Variants in PLEC observed in about 807,000 individuals in gnomAD.
The protein encoded by PLEC is hemidesmosomal protein 1.
A neutral mutation model predicts 392.8 loss-of-function variants in PLEC; 216 were observed. That is an observed-to-expected ratio of 0.55 (90% CI 0.49 to 0.62). PLEC has a LOEUF of 0.62. Ranked by LOEUF, PLEC falls within the 20% of genes least tolerant of loss-of-function variation. PLEC has a pLI of 0.00. For synonymous variants in PLEC, 3,621 were observed against 2,980.6 expected (o/e 1.21, Z -7.00); for missense variants, 6,863 against 6,563.4 (o/e 1.05, Z -1.58).
At chr8:143,940,438 C>T (rs571319736), upstream of PLEC, among the ~76,000 whole-genome samples, 8 of 152,326 alleles carry the variant, frequency 5.3e-5, no homozygotes, top group Admixed American at 1.3e-4. Flanking sequence ...AGGACCTGGG[C>T]GACCCCAGGG....
At chr8:143,940,481 C>G (rs115927903), upstream of PLEC, among the ~76,000 whole-genome samples, 7,111 of 152,248 alleles carry the variant, frequency 0.047, 592 homozygotes, top group African/African-American at 0.16. Context: ...GGGTGGGGCT[C>G]AAGGGAAGCA....
chr8:143,972,494 C>T (rs11785060), intron 1 of PLEC, among the ~76,000 whole-genome samples: 45,170 of 152,148 alleles, frequency 0.3, 7,135 homozygotes, highest in Non-Finnish European at 0.35. Context: ...TGGTGGAGAG[C>T]GGCACCACGG....
chr8:143,937,593 T>G (rs1829396528), intron 3 of PLEC: 2 of 498,892 alleles, frequency 4.0e-6, no homozygotes, highest in Admixed American at 4.8e-5. Context: ...AGGCCAGCTC[T>G]GGGCAGCACG....
At position 143,950,625 on chromosome 8, in the gene PLEC, T is replaced by G. The variant is rs577947079; in HGVS notation, c.82A>C (p.Lys28Gln). ...AAGCTGCGGGGCCGCCGGTCCTTCT[T>G]GGCCACCATCACGCCCTCGCGGAAG... Residue 28 changes from lysine to glutamine, a missense_variant, in exon 1 of 32, where the codon AAG becomes CAG. Physicochemically the swap from Lys to Gln is moderately conservative, Grantham distance 53. Coordinates refer to the PLEC transcript ENST00000322810. The G allele has an allele frequency of 2.3e-4, 367 of 1,602,060 alleles. No individual in the cohort carries two copies. Among genetic ancestry groups the G allele is most frequent in the Admixed American group, 4.3e-4 (25 of 58,158 alleles).
chr8:143,929,461 C>T lies in PLEC; in HGVS notation c.3034G>A (p.Asp1012Asn), dbSNP rs1354214746. The T allele has an allele frequency of 4.4e-6, 7 of 1,595,096 alleles. No individual in the cohort carries two copies. The highest frequency in any genetic ancestry group is 2.2e-5 in the South Asian group (2 of 89,120). The change falls in exon 24 of 32, where the codon GAC becomes AAC. Residue 1012 changes from aspartate (D) to asparagine (N), a missense_variant. Asp to Asn is a conservative substitution (Grantham distance 23). Coordinates refer to ENST00000345136, the MANE Select transcript of PLEC (RefSeq NM_201384.3). Reference sequence around the variant, plus strand: ...GCACACTCCCGTGCCGGCTCTTTGTCCAGCGGCAGCCGCAGGCGGTGCACG... The same window carrying T: ...GCACACTCCCGTGCCGGCTCTTTGTTCAGCGGCAGCCGCAGGCGGTGCACG... ...RTVHRLRLPL[D>N]KEPARECAQR... is the part of the protein sequence containing the mutation.
chr8:143,930,479 C>T lies in PLEC; in HGVS notation c.2362G>A (p.Ala788Thr), dbSNP rs868977467. ...KGHLSGLAKR[A>T]KAVVQLKPRH... The stretch of plus-strand genomic sequence containing the variant: ...GGCTTCAGCTGCACGACGGCCTTGG[C>T]CCGCTTGGCCAGGCCTGAGAGGTGG... Residue 788 changes from alanine to threonine, a missense_variant, in exon 20 of 32, where the codon GCC becomes ACC. Transcript: ENST00000345136. 4 of 1,592,854 alleles carry T rather than the reference C, an allele frequency of 2.5e-6. No homozygotes were observed. Among genetic ancestry groups the T allele is most frequent in the South Asian group, 1.1e-5 (1 of 88,392 alleles).
chr8:143,925,745 T>G lies in PLEC; in HGVS notation c.4184A>C (p.Gln1395Pro). 1 of 1,594,702 alleles carries G rather than the reference T, an allele frequency of 6.3e-7. No individual in the cohort carries two copies. The highest frequency in any genetic ancestry group is 8.5e-7 in the Non-Finnish European group (1 of 1,177,532). The change falls in exon 31 of 32, where the codon CAG (glutamine) becomes CCG (proline). Residue 1395 changes from glutamine to proline, a missense_variant. Coordinates refer to ENST00000345136, the MANE Select transcript of PLEC (RefSeq NM_201384.3). Reference sequence around the variant, plus strand: ...CCGCACCACCTCCTCCTGCATGCGCTGCTGCAGCTCCTTCGCCTCCCGCTC... The same window carrying G: ...CCGCACCACCTCCTCCTGCATGCGCGGCTGCAGCTCCTTCGCCTCCCGCTC... The part of the protein sequence containing the change: ...QAEREAKELQ[Q>P]RMQEEVVRRE...
Position 143,926,987 on chromosome 8 carries a change from A to G in PLEC, c.3935T>C (p.Val1312Ala). Residue 1312 changes from valine to alanine, a missense_variant, in exon 29 of 32, where the codon GTC (valine) becomes GCC (alanine). Physicochemically the swap from Val to Ala is moderately conservative, Grantham distance 64. Coordinates refer to ENST00000345136, the MANE Select transcript of PLEC (RefSeq NM_201384.3). The stretch of plus-strand genomic sequence containing the variant: ...TCGGCCCCACCCTACCTCCTGGATG[A>G]CACTCTCTGATCCCGACTGGACCTT... ...KPKVQSGSES[V>A]IQEYVDLRTH... 6.2e-7 allele frequency: 1 copy of G among 1,613,012 alleles called. No homozygotes were observed. The highest frequency in any genetic ancestry group is 8.5e-7 in the Non-Finnish European group (1 of 1,179,802).
Position 143,919,074 on chromosome 8 carries a change from A to G in PLEC, c.10747T>C (p.Ser3583Pro). The G allele has an allele frequency of 4.3e-6, 7 of 1,611,324 alleles. No individual in the cohort carries two copies. The highest frequency in any genetic ancestry group is 5.9e-6 in the Non-Finnish European group (7 of 1,179,996). ...ATCACCTCCCACAGGGACATGGTGG[A>G]GCCGCCGTGGCTGCCGCCGCCGGGA... ...DIPGGGSHGGSTMSLWEVMQS... is the reference protein window; with the variant it reads ...DIPGGGSHGGPTMSLWEVMQS... The change falls in exon 32 of 32, where the codon TCC becomes CCC. Residue 3583 changes from serine to proline, a missense_variant. Transcript: ENST00000345136.
In PLEC at chr8:143,937,074, G is replaced by A. The variant is rs370933453; in HGVS notation, c.343-3C>T. 3.1e-6 allele frequency: 5 copies of A among 1,612,328 alleles called. No homozygotes were observed. The African/African-American group carries it at 6.7e-5, about 22-fold the overall frequency. ...TTCCTGATGTTCACCAGCTTCACCT[G>A]TGAGCGAGGGGCTCTCGGTCACGGC... On this transcript the variant is annotated splice_region_variant and splice_polypyrimidine_tract_variant and intron_variant, in intron 4 of 31. Transcript: ENST00000345136.
upstream of PLEC, among the ~76,000 whole-genome samples, chr8:143,974,398 G>A (rs978545230): frequency 6.6e-6 from 1 of 152,362 alleles, no homozygotes; most frequent in East Asian, 1.9e-4. The surrounding 1 kb of genome is among the most constrained non-coding windows in gnomAD (Gnocchi z 5.9). Context: ...TTTAAAGTCC[G>A]TGTGTGCTGT....
chr8:143,960,255 C>T (rs1240504648), intron 1 of PLEC, among the ~76,000 whole-genome samples: 2 of 151,704 alleles, frequency 1.3e-5, no homozygotes, highest in Admixed American at 6.6e-5. Flanking sequence ...GTACTCCAGC[C>T]TGGGCAACAA....
chr8:143,942,742 C>T (rs1554729843), upstream of PLEC, among the ~76,000 whole-genome samples: 1 of 152,248 alleles, frequency 6.6e-6, no homozygotes, highest in Non-Finnish European at 1.5e-5. Context: ...CCCCAACCCA[C>T]GGGCCGGGCT....
Position 143,969,210 on chromosome 8 carries a change from G to T in PLEC, c.70+4193C>A, listed in dbSNP as rs558754011. Among the ~76,000 whole-genome samples, 1 of 152,212 alleles carries T rather than the reference G, an allele frequency of 6.6e-6. No individual in the cohort carries two copies. The highest frequency in any genetic ancestry group is 1.5e-5 in the Non-Finnish European group (1 of 68,046). On this transcript the variant is annotated intron_variant, in intron 1 of 31. Transcript: ENST00000356346. This position sits in a 1 kb window ranked among gnomAD's most constrained non-coding sequence, Gnocchi z 5.1. ...TGAGGTGCTGATGGCGCGGCGATGT[G>T]AGCAGCCCTGACAGCGTCCCGGCAA... is the stretch of plus-strand genomic sequence containing the variant.
intron 5 of PLEC, 101 bp from the exon 6 acceptor site, chr8:143,936,115 G>C (rs1166523842): frequency 1.4e-6 from 2 of 1,386,578 alleles, no homozygotes; most frequent in South Asian, 1.2e-5. Flanking sequence ...CAGCACCCAG[G>C]GGGAGTGCAT....
In PLEC at chr8:143,921,736, G is replaced by T; in HGVS notation, c.8085C>A (p.Arg2695=). ...REDVRHYLQG[R]SSIAGLLLKA... Reference sequence around the variant, plus strand: ...TCAGCAACAGCCCTGCGATACTGCTGCGGCCCTGCAGGTAGTGGCGCACGT... The same window carrying T: ...TCAGCAACAGCCCTGCGATACTGCTTCGGCCCTGCAGGTAGTGGCGCACGT... The change falls in exon 32 of 32, where the codon CGC becomes CGA. Residue 2695 remains arginine (R), a synonymous_variant. Transcript: ENST00000345136. 1 of 1,612,740 alleles carries T rather than the reference G, an allele frequency of 6.2e-7. No homozygotes were observed. Among genetic ancestry groups the T allele is most frequent in the South Asian group, 1.1e-5 (1 of 91,088 alleles).
At chr8:143,951,268 G>A (rs932985257), upstream of PLEC, among the ~76,000 whole-genome samples, 3 of 152,154 alleles carry the variant, frequency 2.0e-5, no homozygotes, top group Admixed American at 2.0e-4. Context: ...TGGTGTCCCG[G>A]CTTCACAAGG....
intron 1 of PLEC, among the ~76,000 whole-genome samples, chr8:143,972,596 T>C (rs1169035976): frequency 1.3e-5 from 2 of 152,196 alleles, no homozygotes; most frequent in African/African-American, 4.8e-5. Context: ...TGATCGGCTC[T>C]GCCTGGGGGC....
intron 1 of PLEC, among the ~76,000 whole-genome samples, chr8:143,962,389 G>A (rs964622391): frequency 1.3e-5 from 2 of 152,202 alleles, no homozygotes; most frequent in African/African-American, 2.4e-5. Flanking sequence ...TCTGGCCTCC[G>A]GAACAATCAA....
Sources: allele counts gnomAD v4.1 joint callset (sites outside exome capture counted in the v4.1 genomes callset), GRCh38; gene constraint gnomAD v4.1.1; non-coding constraint Gnocchi (gnomAD v3.1); transcripts MANE v1.5; gene names NCBI Gene and HGNC (gene_info 2026-07-23, HGNC 2026-07-21).